IL1RAPL1: variants seen among roughly 807,000 people sequenced by gnomAD.
The protein encoded by IL1RAPL1 is interleukin 1 receptor accessory protein like 1, also known as interleukin-1 receptor accessory protein-like 1.
In IL1RAPL1, 3 loss-of-function variants were observed where a neutral mutation model predicts 48.4. The observed-to-expected ratio is 0.06, with a 90% CI of 0.03 to 0.16. The LOEUF (loss-of-function observed/expected upper bound fraction) is 0.16, where lower values mean the gene tolerates loss of function less well. Among genes scored for constraint, IL1RAPL1 ranks in the 10% least tolerant of loss-of-function variants. The pLI, the probability that IL1RAPL1 is intolerant of heterozygous loss-of-function variation, is 1.00. For missense variants in IL1RAPL1, 349 were observed against 530.6 expected, an observed-to-expected ratio of 0.66 and a Z score of 3.36; for synonymous variants, 185 against 187.7, an observed-to-expected ratio of 0.99 and a Z score of 0.12.
chrX:29,442,709 C>T (rs948559999), intron 5 of IL1RAPL1, among the ~76,000 whole-genome samples: 1 of 109,278 alleles, frequency 9.2e-6, no homozygotes, highest in Non-Finnish European at 1.9e-5. Context: ...ATTTAAAAAA[C>T]TAGCTGGGTG....
chrX:28,893,388 A>C (rs1445118916), intron 2 of IL1RAPL1, among the ~76,000 whole-genome samples: 1 of 111,107 alleles, frequency 9.0e-6, no homozygotes, highest in African/African-American at 3.3e-5. Flanking sequence ...GATTTGACTA[A>C]TAAAGGCCGG....
chrX:29,811,307 C>T (rs1930376537), intron 6 of IL1RAPL1, among the ~76,000 whole-genome samples: 1 of 110,491 alleles, frequency 9.1e-6, no homozygotes, highest in Non-Finnish European at 1.9e-5. Flanking sequence ...ATCACAGGGT[C>T]CCACAGTAGG....
At chrX:29,925,182 C>T (rs1420873664) in intron 8 of IL1RAPL1, among the ~76,000 whole-genome samples, 1 of 110,732 alleles carries the variant, frequency 9.0e-6, no homozygotes, top group Non-Finnish European at 1.9e-5. Flanking sequence ...AACCTCCTAC[C>T]TCTCTTTATG....
At chrX:29,518,825 A>G in intron 5 of IL1RAPL1, among the ~76,000 whole-genome samples, 1 of 112,148 alleles carries the variant, frequency 8.9e-6, no homozygotes, top group Non-Finnish European at 1.9e-5. Context: ...TATTTAAAAA[A>G]TCACTCTAAC....
chrX:28,956,713 C>G (rs1254165890), intron 2 of IL1RAPL1, among the ~76,000 whole-genome samples: 1 of 108,827 alleles, frequency 9.2e-6, no homozygotes, highest in Non-Finnish European at 1.9e-5. Flanking sequence ...GGATATTGGT[C>G]TAAAGTTCTC....
At chrX:29,507,055 C>T (rs1602269614) in intron 5 of IL1RAPL1, among the ~76,000 whole-genome samples, 1 of 108,986 alleles carries the variant, frequency 9.2e-6, no homozygotes, top group East Asian at 2.9e-4. Context: ...TTCTCTATGG[C>T]CCTAAGAACT....
intron 1 of IL1RAPL1, among the ~76,000 whole-genome samples, chrX:28,745,669 A>G (rs1935967166): frequency 9.0e-6 from 1 of 111,703 alleles, no homozygotes; most frequent in Non-Finnish European, 1.9e-5. Flanking sequence ...TAAGGGAGAA[A>G]ACAGAAAACA....
chrX:29,483,881 CTG>C (rs1224207087), intron 5 of IL1RAPL1, among the ~76,000 whole-genome samples: 4 of 109,564 alleles, frequency 3.7e-5, no homozygotes, highest in Admixed American at 2.0e-4. Context: ...TTAGTAAAGA[CTG>C]TGTTTTGCCA....
chrX:29,869,599 G>T (rs777766323), intron 6 of IL1RAPL1, among the ~76,000 whole-genome samples: 26 of 111,296 alleles, frequency 2.3e-4, no homozygotes, highest in African/African-American at 6.9e-4. Flanking sequence ...TGAACTTCTT[G>T]CCACAGTTAT....
At chrX:28,790,058 A>G (rs764638319) in intron 2 of IL1RAPL1, among the ~76,000 whole-genome samples, 8 of 112,084 alleles carry the variant, frequency 7.1e-5, no homozygotes, top group Non-Finnish European at 1.5e-4. Context: ...ATTGTATGGG[A>G]CAATTGAATA....
intron 6 of IL1RAPL1, among the ~76,000 whole-genome samples, chrX:29,737,653 G>A (rs962428844): frequency 8.9e-6 from 1 of 112,177 alleles, no homozygotes; most frequent in African/African-American, 3.2e-5. Flanking sequence ...ATTAAAAAAT[G>A]AGTATTTTGT....
At position 29,732,830 on chromosome X, in the gene IL1RAPL1, C is replaced by G. The variant is rs1236476968; in HGVS notation, c.778+64326C>G. 3.6e-5 allele frequency among the ~76,000 whole-genome samples: 4 copies of G among 112,135 alleles called. No individual in the cohort carries two copies. The East Asian group carries it at 8.4e-4, about 23-fold the overall frequency. On this transcript the variant is annotated intron_variant, in intron 6 of 10. Coordinates refer to ENST00000378993, the MANE Select transcript of IL1RAPL1 (RefSeq NM_014271.4). ...TTAGTAGTGACATCTACCAGCTTTT[C>G]CCTTTTGCAATGGTTGCCAGAACTC...
chrX:29,399,230 G>C lies in IL1RAPL1; in HGVS notation c.625G>C (p.Asp209His). The change falls in exon 5 of 11, where the codon GAT becomes CAT. Residue 209 changes from aspartate to histidine, a missense_variant. Asp to His is a moderately conservative substitution (Grantham distance 81). Transcript: ENST00000378993. Reference sequence around the variant, plus strand: ...TCTGCTTATAAGAGAAGTCAGAGAAGATGACATTGGAAATTATACCTGTGA... The same window carrying C: ...TCTGCTTATAAGAGAAGTCAGAGAACATGACATTGGAAATTATACCTGTGA... ...DTLLIREVRE[D>H]DIGNYTCELK... is the part of the protein sequence containing the mutation. 1 of 1,189,362 alleles carries C rather than the reference G, an allele frequency of 8.4e-7. No individual in the cohort carries two copies. The highest frequency in any genetic ancestry group is 1.7e-5 in the African/African-American group (1 of 57,385).
intron 2 of IL1RAPL1, among the ~76,000 whole-genome samples, chrX:28,947,214 A>C (rs144491084): frequency 0.022 from 2,439 of 111,847 alleles, 61 homozygotes; most frequent in African/African-American, 0.074. Flanking sequence ...ATGTATGTAC[A>C]TGTGTATGTT....
intron 2 of IL1RAPL1, among the ~76,000 whole-genome samples, chrX:29,209,731 C>T (rs5985827): frequency 0.036 from 3,997 of 111,413 alleles, 164 homozygotes; most frequent in African/African-American, 0.12. Context: ...TATGGACCTG[C>T]GTGAAAATTT....
intron 2 of IL1RAPL1, among the ~76,000 whole-genome samples, chrX:28,877,690 T>A (rs1455675486): frequency 8.9e-6 from 1 of 111,757 alleles, no homozygotes; most frequent in Non-Finnish European, 1.9e-5. Flanking sequence ...TTAAAATGAA[T>A]CCTAGAGATG....
chrX:28,843,158 A>G (rs766251303), intron 2 of IL1RAPL1, among the ~76,000 whole-genome samples: 1 of 111,389 alleles, frequency 9.0e-6, no homozygotes, highest in Non-Finnish European at 1.9e-5. Flanking sequence ...AAATTATCTT[A>G]AAGGGCTTGG....
intron 2 of IL1RAPL1, among the ~76,000 whole-genome samples, chrX:28,985,887 CTGA>C (rs1925462348): frequency 9.0e-6 from 1 of 110,629 alleles, no homozygotes; most frequent in South Asian, 3.8e-4. Flanking sequence ...TCTCGATCTC[CTGA>C]CCTTGTGATC....
chrX:29,698,273 C>T (rs1483046152), intron 6 of IL1RAPL1, among the ~76,000 whole-genome samples: 4 of 107,978 alleles, frequency 3.7e-5, no homozygotes, highest in African/African-American at 6.8e-5. Context: ...AGGGTTTAAG[C>T]GATTCTCCTG....
Sources: allele counts gnomAD v4.1 joint callset (sites outside exome capture counted in the v4.1 genomes callset), GRCh38; gene constraint gnomAD v4.1.1; transcripts MANE v1.5; gene names NCBI Gene and HGNC (gene_info 2026-07-23, HGNC 2026-07-21).